HIVEP3: variants seen among roughly 807,000 people sequenced by gnomAD.
The protein encoded by HIVEP3 is HIVEP zinc finger 3, also known as transcription factor HIVEP3.
HIVEP3 carries 49 observed loss-of-function variants against 152.8 expected under a neutral mutation model. That is an observed-to-expected ratio of 0.32 (90% CI 0.26 to 0.41). HIVEP3 has a LOEUF of 0.41. Ranked by LOEUF, HIVEP3 falls within the 10% of genes least tolerant of loss-of-function variation. HIVEP3 has a pLI of 1.00. For missense variants in HIVEP3, 2,790 were observed against 3,103.3 expected (o/e 0.90, Z 2.40); for synonymous variants, 1,269 against 1,289.0 (o/e 0.98, Z 0.33).
chr1:41,581,429 C>A lies in HIVEP3; in HGVS notation c.3369G>T (p.Val1123=), dbSNP rs969833122. The change falls in exon 4 of 9, where the codon GTG becomes GTT. Residue 1123 remains valine (V), a synonymous_variant. Coordinates refer to ENST00000372583, the MANE Select transcript of HIVEP3 (RefSeq NM_024503.5). This position sits in a 1 kb window ranked among gnomAD's most constrained non-coding sequence, Gnocchi z 4.5. ...PTVPYTEALQ[V]FHHPVAQTPL... is the part of the protein sequence containing the mutation. Reference sequence around the variant, plus strand: ...GTGTCTGGGCAACGGGGTGGTGGAACACTTGCAGTGCTTCTGTGTAGGGCA... The same window carrying A: ...GTGTCTGGGCAACGGGGTGGTGGAAAACTTGCAGTGCTTCTGTGTAGGGCA... The A allele has an allele frequency of 1.9e-6, 3 of 1,594,236 alleles. No individual in the cohort carries two copies. Among genetic ancestry groups the A allele is most frequent in the Admixed American group, 3.4e-5 (2 of 58,590 alleles).
At chr1:41,701,021 T>C (rs1479255909) in intron 1 of HIVEP3, 26 bp from the exon 2 acceptor site, 2 of 937,474 alleles carry the variant, frequency 2.1e-6, no homozygotes, top group Non-Finnish European at 2.5e-6. Context: ...AAAGTGAGAA[T>C]ATTATGCCAC....
intron 1 of HIVEP3, among the ~76,000 whole-genome samples, chr1:41,768,828 C>T (rs138260953): frequency 1.1e-4 from 16 of 152,296 alleles, no homozygotes; most frequent in African/African-American, 2.9e-4. Flanking sequence ...GTCTAAAACC[C>T]GCCCTGTTGG....
rs142695572 is a variant in HIVEP3 at position 41,510,826 on chromosome 1, G to C, written c.6846C>G (p.Gly2282=). ...GDYPKERERT[G]GGPGRPPDWT... is the part of the protein sequence containing the mutation. Reference sequence around the variant, plus strand: ...AGTCAGGAGGCCTGCCCGGGCCTCCGCCGGTCCTCTCCCTCTCCTTGGGGT... The same window carrying C: ...AGTCAGGAGGCCTGCCCGGGCCTCCCCCGGTCCTCTCCCTCTCCTTGGGGT... Residue 2282 remains glycine, a synonymous_variant, in exon 9 of 9, where the codon GGC becomes GGG. Transcript: ENST00000372583. The C allele has an allele frequency of 6.2e-7, 1 of 1,612,822 alleles. No individual in the cohort carries two copies.
At chr1:41,928,258 T>G (rs1449170567) in intron 1 of HIVEP3, among the ~76,000 whole-genome samples, 1 of 152,116 alleles carries the variant, frequency 6.6e-6, no homozygotes, top group African/African-American at 2.4e-5. Flanking sequence ...ATGCAAAATG[T>G]TCTTCCACAA....
At chr1:41,620,806 C>G (rs1305832139) in intron 3 of HIVEP3, among the ~76,000 whole-genome samples, 1 of 152,210 alleles carries the variant, frequency 6.6e-6, no homozygotes, top group African/African-American at 2.4e-5. Flanking sequence ...CCACTCCTAC[C>G]CTTTCCTTCA....
chr1:41,852,999 G>A lies in HIVEP3; in HGVS notation c.-801+65414C>T, dbSNP rs144805602. ...GTCTGGGTGGGAACAGAGACTTCAC[G>A]TCCCCACCACGAATGGCTGTGTTTT... On this transcript the variant is annotated intron_variant, in intron 1 of 8. Coordinates refer to ENST00000372583, the MANE Select transcript of HIVEP3 (RefSeq NM_024503.5). Among the ~76,000 whole-genome samples, 722 of 152,244 alleles carry A rather than the reference G, an allele frequency of 4.7e-3. 4 individuals carry two copies. The highest frequency in any genetic ancestry group is 0.016 in the African/African-American group (681 of 41,520).
intron 2 of HIVEP3, among the ~76,000 whole-genome samples, chr1:41,661,747 G>T (rs901293739): frequency 6.6e-6 from 1 of 152,250 alleles, no homozygotes; most frequent in African/African-American, 2.4e-5. Flanking sequence ...GCGTGGGTGC[G>T]AGGGGTGAGC....
At chr1:41,544,799 CACCACCACCACT>C (rs1643649551) in intron 5 of HIVEP3, among the ~76,000 whole-genome samples, 1 of 141,436 alleles carries the variant, frequency 7.1e-6, no homozygotes, top group East Asian at 2.0e-4. Context: ...CTGCTACCAT[CACCACCACCACT>C]ACCACCTCTA....
rs1360258608 is a variant in HIVEP3, at chr1:41,533,278, C to T, written c.5208-8368G>A. Among the ~76,000 whole-genome samples the T allele has an allele frequency of 6.6e-6, 1 of 152,128 alleles. No homozygotes were observed. Among genetic ancestry groups the T allele is most frequent in the East Asian group, 1.9e-4 (1 of 5,182 alleles). On this transcript the variant is annotated intron_variant, in intron 5 of 8. Coordinates refer to ENST00000372583, the MANE Select transcript of HIVEP3 (RefSeq NM_024503.5). The surrounding 1 kb of genome is among the most constrained non-coding windows in gnomAD (Gnocchi z 4.3). ...GAGGTAGACCTGCCGGGCTCTGGGT[C>T]CAGCTCCTCCTGCGGTGCCAGAGCC...
intron 1 of HIVEP3, among the ~76,000 whole-genome samples, chr1:41,993,051 A>G (rs1171451020): frequency 6.6e-6 from 1 of 150,572 alleles, no homozygotes; most frequent in East Asian, 1.9e-4. Flanking sequence ...AAACCCTAGA[A>G]GAAAACCTAG....
At chr1:41,886,031 G>C (rs1267016403) in intron 1 of HIVEP3, among the ~76,000 whole-genome samples, 2 of 152,184 alleles carry the variant, frequency 1.3e-5, no homozygotes, top group Non-Finnish European at 2.9e-5. Context: ...CAAGGCCCTA[G>C]CAATATATTC....
At chr1:41,927,444 G>A (rs1426275814) in intron 1 of HIVEP3, among the ~76,000 whole-genome samples, 2 of 152,174 alleles carry the variant, frequency 1.3e-5, no homozygotes, top group African/African-American at 2.4e-5. Flanking sequence ...GTCATGACTA[G>A]AGAATAGTGA....
intron 1 of HIVEP3, among the ~76,000 whole-genome samples, chr1:41,842,465 A>T (rs1643315756): frequency 6.6e-6 from 1 of 151,918 alleles, no homozygotes. Flanking sequence ...GTAGGACTGA[A>T]CTCTTCCACC....
intron 1 of HIVEP3, among the ~76,000 whole-genome samples, chr1:42,004,426 T>C (rs777033922): frequency 6.6e-6 from 1 of 152,170 alleles, no homozygotes; most frequent in African/African-American, 2.4e-5. Flanking sequence ...CTTTTTTTCA[T>C]TACTTTTGTA....
At chr1:41,859,869 T>C (rs1007405938) in intron 1 of HIVEP3, among the ~76,000 whole-genome samples, 1 of 152,228 alleles carries the variant, frequency 6.6e-6, no homozygotes, top group Non-Finnish European at 1.5e-5. Context: ...GTTTTCATAA[T>C]TAGATGCAGC....
chr1:41,532,034 A>C (rs111162030), intron 5 of HIVEP3, among the ~76,000 whole-genome samples: 5 of 122,834 alleles, frequency 4.1e-5, no homozygotes, highest in Middle Eastern at 6.3e-3. Context: ...AAGACAGGGG[A>C]GATAGAGGAC....
Position 41,952,395 on chromosome 1 carries a change from C to T in HIVEP3, n.120-33871G>A, listed in dbSNP as rs571644230. 5.9e-5 allele frequency among the ~76,000 whole-genome samples: 9 copies of T among 151,832 alleles called. No homozygotes were observed. The East Asian group carries it at 1.5e-3, about 26-fold the overall frequency. ...CTTCCTCAAATTTATGCCCTCTTCTCCAACCACATTGCTTTCATTTTCTTT... is the reference window on the plus strand; with the variant it reads ...CTTCCTCAAATTTATGCCCTCTTCTTCAACCACATTGCTTTCATTTTCTTT... On this transcript the variant is annotated intron_variant and non_coding_transcript_variant, in intron 1 of 3. Coordinates refer to the HIVEP3 transcript ENST00000489103.
chr1:41,897,468 T>A (rs778879365), intron 1 of HIVEP3, among the ~76,000 whole-genome samples: 2 of 152,166 alleles, frequency 1.3e-5, no homozygotes, highest in Non-Finnish European at 2.9e-5. Context: ...CCCTCCACCA[T>A]CTGAGGACAC....
intron 1 of HIVEP3, among the ~76,000 whole-genome samples, chr1:41,939,230 C>T (rs1207647541): frequency 6.6e-6 from 1 of 152,060 alleles, no homozygotes; most frequent in African/African-American, 2.4e-5. Context: ...ATTCATAAAC[C>T]AAGCACCCAA....
Sources: allele counts gnomAD v4.1 joint callset (sites outside exome capture counted in the v4.1 genomes callset), GRCh38; gene constraint gnomAD v4.1.1; non-coding constraint Gnocchi (gnomAD v3.1); transcripts MANE v1.5; gene names NCBI Gene and HGNC (gene_info 2026-07-23, HGNC 2026-07-21).